Variants in CACNA2D3 observed in about 807,000 individuals in gnomAD.
CACNA2D3 encodes the protein voltage-dependent calcium channel subunit alpha-2/delta-3.
CACNA2D3 carries 60 observed loss-of-function variants against 160.6 expected under a neutral mutation model. The observed-to-expected ratio is 0.37, with a 90% CI of 0.30 to 0.46. CACNA2D3 has a LOEUF of 0.46. Ranked by LOEUF, CACNA2D3 falls within the 20% of genes least tolerant of loss-of-function variation. CACNA2D3 has a pLI of 1.00. For missense variants in CACNA2D3, 1,205 were observed against 1,365.0 expected, an observed-to-expected ratio of 0.88 and a Z score of 1.85; for synonymous variants, 558 against 492.9, an observed-to-expected ratio of 1.13 and a Z score of -1.75.
intron 27 of CACNA2D3, among the ~76,000 whole-genome samples, chr3:54,909,116 T>G (rs1445905127): frequency 6.6e-6 from 1 of 152,178 alleles, no homozygotes; most frequent in African/African-American, 2.4e-5. Context: ...GTGCCTAATG[T>G]TTTTGTCTGT....
At chr3:54,245,514 A>G (rs1454756555) in intron 2 of CACNA2D3, among the ~76,000 whole-genome samples, 1 of 152,198 alleles carries the variant, frequency 6.6e-6, no homozygotes, top group Non-Finnish European at 1.5e-5. Flanking sequence ...CCATCCATCC[A>G]GAGCCTGGTG....
chr3:54,835,291 A>G (rs1263939860), intron 14 of CACNA2D3, among the ~76,000 whole-genome samples: 3 of 152,188 alleles, frequency 2.0e-5, no homozygotes, highest in Non-Finnish European at 4.4e-5. Flanking sequence ...ATTGGTGGAA[A>G]TGAAATGGAA....
At chr3:54,476,204 T>C (rs1700827989) in intron 4 of CACNA2D3, among the ~76,000 whole-genome samples, 2 of 148,764 alleles carry the variant, frequency 1.3e-5, no homozygotes, top group South Asian at 4.2e-4. Context: ...ATAATATTCA[T>C]ATATATGAAT....
intron 3 of CACNA2D3, among the ~76,000 whole-genome samples, chr3:54,361,433 G>A (rs561177085): frequency 1.3e-5 from 2 of 152,122 alleles, no homozygotes; most frequent in Non-Finnish European, 2.9e-5. Context: ...GCCCAGTTCA[G>A]CTTCTCAGGT....
At chr3:54,768,052 C>A (rs1702254407) in intron 13 of CACNA2D3, among the ~76,000 whole-genome samples, 1 of 152,072 alleles carries the variant, frequency 6.6e-6, no homozygotes, top group South Asian at 2.1e-4. Flanking sequence ...TGGTAAAGAC[C>A]AGTTAGGGCA....
At chr3:54,530,972 C>A (rs998809397) in intron 5 of CACNA2D3, among the ~76,000 whole-genome samples, 1 of 152,080 alleles carries the variant, frequency 6.6e-6, no homozygotes, top group Non-Finnish European at 1.5e-5. Context: ...TACTTTCCTC[C>A]CATGCTATAG....
intron 4 of CACNA2D3, among the ~76,000 whole-genome samples, chr3:54,489,717 A>G (rs1010720916): frequency 6.6e-6 from 1 of 152,246 alleles, no homozygotes; most frequent in Admixed American, 6.5e-5. Flanking sequence ...AGGCCTGCAG[A>G]AAGCTGCAGT....
intron 2 of CACNA2D3, among the ~76,000 whole-genome samples, chr3:54,264,057 C>T (rs1033621424): frequency 6.6e-6 from 1 of 152,182 alleles, no homozygotes; most frequent in Non-Finnish European, 1.5e-5. Flanking sequence ...AGCAGCATGT[C>T]TTGAATGCCA....
At chr3:54,264,937 G>A (rs535168603) in intron 2 of CACNA2D3, among the ~76,000 whole-genome samples, 2 of 152,280 alleles carry the variant, frequency 1.3e-5, no homozygotes, top group Admixed American at 1.3e-4. Context: ...TGGCTGCATA[G>A]TATTCCATGG....
At chr3:54,316,627 G>GAT (rs1199861375) in intron 2 of CACNA2D3, among the ~76,000 whole-genome samples, 1 of 152,210 alleles carries the variant, frequency 6.6e-6, no homozygotes, top group Non-Finnish European at 1.5e-5. Flanking sequence ...CCCAGATCTG[G>GAT]AATCCACAGC....
Position 54,883,799 on chromosome 3 carries a change from A to ATCTCTCTCTCTCTCTCTCTC in CACNA2D3, c.1913-1477_1913-1458dup, listed in dbSNP as rs9311543. Among the ~76,000 whole-genome samples, 2,209 of 107,330 alleles carry ATCTCTCTCTCTCTCTCTCTC rather than the reference A, an allele frequency of 0.021. 216 individuals carry two copies. The East Asian group carries it at 0.21, about 10-fold the overall frequency. The allele number at this position is 107,330 out of a possible 152,430, so 70.4% of individuals were successfully genotyped here. A position where few individuals can be genotyped will look rare whatever the true frequency, so the allele number is the denominator to read the frequency against. On this transcript the variant is annotated intron_variant, in intron 21 of 37. Coordinates refer to ENST00000474759, the MANE Select transcript of CACNA2D3 (RefSeq NM_018398.3). ...TCCTGACCTCCATAGTTACAATGGAATCTCTCTCTCTCTCTCTCTCTCTCC... is the reference window on the plus strand; with the variant it reads ...TCCTGACCTCCATAGTTACAATGGAATCTCTCTCTCTCTCTCTCTCTCTCTCTCTCTCTCTCTCTCTCTCC...
intron 5 of CACNA2D3, among the ~76,000 whole-genome samples, chr3:54,554,763 G>A (rs557597970): frequency 2.2e-4 from 34 of 152,206 alleles, no homozygotes; most frequent in Admixed American, 3.9e-4. Flanking sequence ...CCTGACTGCC[G>A]TGCTGCTGTT....
In CACNA2D3 at chr3:54,877,567, C is replaced by T. The variant is rs144150187; in HGVS notation, c.1711-1451C>T. Among the ~76,000 whole-genome samples the T allele has an allele frequency of 5.4e-3, 826 of 152,246 alleles. 5 individuals are homozygous for T. The highest frequency in any genetic ancestry group is 0.012 in the African/African-American group (518 of 41,520). On this transcript the variant is annotated intron_variant, in intron 18 of 37. Coordinates refer to ENST00000474759, the MANE Select transcript of CACNA2D3 (RefSeq NM_018398.3). ...GATACCCAAGATCATAAAGCTCTGG[C>T]TCCAGAGTCCATTCCTTAACTACAG...
intron 5 of CACNA2D3, among the ~76,000 whole-genome samples, chr3:54,508,334 G>A (rs557683359): frequency 6.6e-6 from 1 of 152,310 alleles, no homozygotes; most frequent in African/African-American, 2.4e-5. Flanking sequence ...TGAAGAAGAG[G>A]GAGAGGGAGG....
At chr3:54,660,128 G>C (rs1324959553) in intron 11 of CACNA2D3, among the ~76,000 whole-genome samples, 1 of 151,522 alleles carries the variant, frequency 6.6e-6, no homozygotes, top group Non-Finnish European at 1.5e-5. Flanking sequence ...TCATCAGAGA[G>C]GAGCCTTTTG....
chr3:54,847,562 G>T (rs1383658525), intron 17 of CACNA2D3, among the ~76,000 whole-genome samples: 2 of 152,186 alleles, frequency 1.3e-5, no homozygotes, highest in Non-Finnish European at 2.9e-5. Context: ...ATGCAACTTT[G>T]CTCTAATCGC....
At chr3:54,451,300 A>T (rs1278609838) in intron 4 of CACNA2D3, among the ~76,000 whole-genome samples, 2 of 114,168 alleles carry the variant, frequency 1.8e-5, no homozygotes, top group African/African-American at 6.9e-5. Context: ...TGGAGGCTGG[A>T]GTGCAGTGGC....
At chr3:54,548,357 G>T (rs1702098684) in intron 5 of CACNA2D3, among the ~76,000 whole-genome samples, 1 of 152,218 alleles carries the variant, frequency 6.6e-6, no homozygotes, top group Non-Finnish European at 1.5e-5. Context: ...ATACATAACT[G>T]CTAAAATCTT....
chr3:54,883,805 C>CTT (rs1699859489), intron 21 of CACNA2D3, among the ~76,000 whole-genome samples: 1 of 124,602 alleles, frequency 8.0e-6, no homozygotes, highest in African/African-American at 3.3e-5. Flanking sequence ...TGGAATCTCT[C>CTT]TCTCTCTCTC....
Sources: allele counts gnomAD v4.1 joint callset (sites outside exome capture counted in the v4.1 genomes callset), GRCh38; gene constraint gnomAD v4.1.1; transcripts MANE v1.5; gene names NCBI Gene and HGNC (gene_info 2026-07-23, HGNC 2026-07-21).